Variants in USP30 observed in about 807,000 individuals in gnomAD.
USP30 encodes the protein ubiquitin carboxyl-terminal hydrolase 30.
In USP30, 41 loss-of-function variants were observed where a neutral mutation model predicts 68.2. The ratio of observed to expected loss-of-function variants is 0.60; its 90% confidence interval spans 0.47 to 0.78. The LOEUF is 0.78. Among genes scored for constraint, USP30 ranks in the 30% least tolerant of loss-of-function variants. The probability of loss-of-function intolerance (pLI) is 0.00; values close to 1 mark genes in which losing one functional copy is unlikely to be tolerated. For synonymous variants in USP30, 229 were observed against 253.7 expected (o/e 0.90, Z 0.93); for missense variants, 522 against 649.4 (o/e 0.80, Z 2.13).
At chr12:109,029,240 A>G (rs1350792146) in intron 3 of USP30, among the ~76,000 whole-genome samples, 1 of 152,248 alleles carries the variant, frequency 6.6e-6, no homozygotes, top group African/African-American at 2.4e-5. Context: ...AAGAGGAAAG[A>G]AACATGAAAA....
chr12:109,083,204 G>C (rs1235460370), intron 11 of USP30, 142 bp downstream of exon 11: 1 of 816,936 alleles, frequency 1.2e-6, no homozygotes, highest in Non-Finnish European at 1.8e-6. Context: ...AGCAGGATTG[G>C]GGGTGGAAGA....
upstream of USP30, among the ~76,000 whole-genome samples, chr12:109,048,101 C>G (rs1369739036): frequency 1.4e-5 from 2 of 139,856 alleles, no homozygotes; most frequent in Admixed American, 1.5e-4. Context: ...TTTTTTGAGA[C>G]ATGGTCTTGC....
intron 3 of USP30, among the ~76,000 whole-genome samples, chr12:109,046,025 T>C (rs1349553368): frequency 5.3e-5 from 8 of 151,784 alleles, no homozygotes; most frequent in Admixed American, 5.2e-4. Flanking sequence ...AAAGCCAGTG[T>C]TGCAATTCAG....
chr12:109,028,499 T>C (rs1462702962), intron 3 of USP30, among the ~76,000 whole-genome samples: 6 of 151,872 alleles, frequency 4.0e-5, no homozygotes, highest in South Asian at 4.2e-4. Flanking sequence ...TGTTTTGAGA[T>C]GTAGTTTCCC....
In USP30 at chr12:109,052,696, C is replaced by A. The variant is rs2040700907; in HGVS notation, c.18C>A (p.Ala6=). 1 of 1,485,794 alleles carries A rather than the reference C, an allele frequency of 6.7e-7. No individual in the cohort carries two copies. The highest frequency in any genetic ancestry group is 1.5e-5 in the African/African-American group (1 of 68,266). The allele number at this position is 1,485,794 out of a possible 1,614,324, so 92.0% of individuals were successfully genotyped here. Residue 6 remains alanine, a synonymous_variant, in exon 1 of 13, where the codon GCC becomes GCA. Transcript: ENST00000257548. The part of the protein sequence containing the change: MLSSR[A]EAAMTAADRA... The stretch of plus-strand genomic sequence containing the variant: ...CGGCTGCAATGCTGAGCTCCCGGGC[C>A]GAGGCGGCGATGACCGCGGCCGACA...
intron 3 of USP30, among the ~76,000 whole-genome samples, chr12:109,030,620 T>C: frequency 6.6e-6 from 1 of 152,174 alleles, no homozygotes; most frequent in South Asian, 2.1e-4. Context: ...GTTGCTTGTT[T>C]GTTTGTTTGT....
At chr12:109,073,667 G>T in intron 7 of USP30, 135 bp downstream of exon 7, 1 of 708,962 alleles carries the variant, frequency 1.4e-6, no homozygotes, top group Non-Finnish European at 2.4e-6. Context: ...CTAGTGGACT[G>T]ACTACCCCAC....
upstream of USP30, among the ~76,000 whole-genome samples, chr12:109,050,959 C>T (rs933599470): frequency 3.3e-5 from 5 of 152,024 alleles, no homozygotes; most frequent in African/African-American, 1.2e-4. Context: ...CATTGCACTG[C>T]AGCCTGGGCG....
chr12:109,069,401 G>A lies in USP30; in HGVS notation c.480+1774G>A, dbSNP rs182678746. On this transcript the variant is annotated intron_variant, in intron 4 of 12. Coordinates refer to ENST00000257548, the MANE Select transcript of USP30 (RefSeq NM_032663.5). ...TACAGGGCTGCACCTCTGGTGTGCC[G>A]TTGGCTAATAGCTAGGCTGCCACAC... Among the ~76,000 whole-genome samples the A allele has an allele frequency of 1.6e-4, 24 of 152,354 alleles. No individual in the cohort carries two copies. In the East Asian group the frequency reaches 4.6e-3, roughly 29 times the overall value.
chr12:109,064,867 T>C (rs1230206142), intron 3 of USP30, among the ~76,000 whole-genome samples: 2 of 139,676 alleles, frequency 1.4e-5, no homozygotes, highest in East Asian at 4.6e-4. Context: ...CTTTGGGGGG[T>C]AGTTGGTGGG....
chr12:109,051,194 T>G (rs1003102789), upstream of USP30, among the ~76,000 whole-genome samples: 4 of 151,178 alleles, frequency 2.6e-5, no homozygotes, highest in Admixed American at 2.6e-4. Context: ...TGCCCCAATA[T>G]TTTGAACATA....
At chr12:109,036,941 C>T (rs2040525395) in intron 3 of USP30, among the ~76,000 whole-genome samples, 1 of 151,186 alleles carries the variant, frequency 6.6e-6, no homozygotes, top group African/African-American at 2.4e-5. Context: ...CATTGAGCTT[C>T]TTTGATGTAT....
At chr12:109,061,096 A>T (rs1217035826) in intron 3 of USP30, among the ~76,000 whole-genome samples, 1 of 152,054 alleles carries the variant, frequency 6.6e-6, no homozygotes, top group East Asian at 1.9e-4. Flanking sequence ...TGTTCATGGG[A>T]GTTATTTCTA....
At chr12:109,076,776 G>T (rs1339917716) in intron 7 of USP30, among the ~76,000 whole-genome samples, 5 of 136,158 alleles carry the variant, frequency 3.7e-5, no homozygotes, top group African/African-American at 1.4e-4. Context: ...CTGTCGCCCA[G>T]GCTGGAGTGC....
intron 3 of USP30, among the ~76,000 whole-genome samples, chr12:109,040,252 T>C (rs1041707314): frequency 6.6e-6 from 1 of 152,108 alleles, no homozygotes; most frequent in East Asian, 1.9e-4. Context: ...AGGAAGTGAT[T>C]AGAGAAACTA....
chr12:109,061,729 A>T (rs1348143202), intron 3 of USP30, among the ~76,000 whole-genome samples: 2 of 152,078 alleles, frequency 1.3e-5, no homozygotes, highest in African/African-American at 2.4e-5. Flanking sequence ...TTTTTTAATT[A>T]TACAAGTAAT....
intron 3 of USP30, among the ~76,000 whole-genome samples, chr12:109,040,731 T>G (rs551019082): frequency 6.6e-6 from 1 of 152,354 alleles, no homozygotes; most frequent in South Asian, 2.1e-4. Flanking sequence ...CTCTCCATAA[T>G]GCTGCCTGGG....
chr12:109,071,012 G>A (rs1260692200), intron 4 of USP30, among the ~76,000 whole-genome samples: 2 of 152,170 alleles, frequency 1.3e-5, no homozygotes, highest in Non-Finnish European at 2.9e-5. Flanking sequence ...TTATGCCGAG[G>A]AAAATAAGCC....
chr12:109,045,900 A>T (rs748812232), intron 3 of USP30, among the ~76,000 whole-genome samples: 28 of 152,306 alleles, frequency 1.8e-4, no homozygotes, highest in Middle Eastern at 6.8e-3. Context: ...ATAGCTATAC[A>T]TGTAGACATA....
Sources: gnomAD v4.1 joint callset for allele counts (sites outside exome capture counted in the v4.1 genomes callset) on GRCh38, gnomAD v4.1.1 for gene constraint, MANE v1.5 for transcripts, NCBI Gene and HGNC (gene_info 2026-07-23, HGNC 2026-07-21) for gene names.